ITIH3: variants seen among roughly 807,000 people sequenced by gnomAD.
ITIH3 encodes the protein inter-alpha-trypsin inhibitor heavy chain H3.
ITIH3 carries 81 observed loss-of-function variants against 96.5 expected under a neutral mutation model. The ratio of observed to expected loss-of-function variants is 0.84; its 90% CI spans 0.70 to 1.01. The LOEUF is 1.01. Among genes scored for constraint, ITIH3 ranks in the 50% least tolerant of loss-of-function variants. The probability of loss-of-function intolerance (pLI) is 0.00; values close to 1 mark genes in which losing one functional copy is unlikely to be tolerated. For missense variants in ITIH3, 1,057 were observed against 1,139.3 expected, an observed-to-expected ratio of 0.93 and a Z score of 1.04; for synonymous variants, 422 against 445.2, an observed-to-expected ratio of 0.95 and a Z score of 0.66.
At chr3:52,797,735 C>A in intron 5 of ITIH3, 82 bp from the exon 6 acceptor site, 3 of 835,758 alleles carry the variant, frequency 3.6e-6, no homozygotes, top group Non-Finnish European at 5.9e-6. Flanking sequence ...TCACCACAGA[C>A]CCATCTCATT....
At chr3:52,803,297 TATTTATTTATTTTATTTTATTATTATTA>T (rs1464781217) in intron 13 of ITIH3, among the ~76,000 whole-genome samples, 2 of 142,120 alleles carry the variant, frequency 1.4e-5, no homozygotes, top group South Asian at 2.2e-4. Flanking sequence ...TTTATTTATT[TATTTATTTATTTTATTTTATTATTATTA>T]TTTTTTTTTT....
chr3:52,805,490 G>A, intron 15 of ITIH3: 1 of 1,156,030 alleles, frequency 8.7e-7, no homozygotes. Context: ...ACTAGGGGGT[G>A]GGAAGCCCAG....
At position 52,799,073 on chromosome 3, in the gene ITIH3, A is replaced by C; in HGVS notation, c.771A>C (p.Glu257Asp). 6.2e-7 allele frequency: 1 copy of C among 1,613,538 alleles called. No homozygotes were observed. The highest frequency in any genetic ancestry group is 8.5e-7 in the Non-Finnish European group (1 of 1,179,718). Residue 257 changes from glutamate to aspartate, a missense_variant, in exon 7 of 22, where the codon GAA (glutamate) becomes GAC (aspartate). Coordinates refer to ENST00000449956, the MANE Select transcript of ITIH3 (RefSeq NM_002217.4). ...CTATCACCTATGACGTGAACAGAGA[A>C]TCTCCTGGCAACGTGCAGGTACCCG... ...DFTITYDVNR[E>D]SPGNVQIVNG...
intron 1 of ITIH3, 109 bp downstream of exon 1, chr3:52,795,005 C>T: frequency 2.2e-6 from 2 of 891,194 alleles, no homozygotes; most frequent in Admixed American, 1.8e-5. Context: ...GGGCTGGGCA[C>T]TGAGCTGCTG....
rs761740682 is a variant in ITIH3, at chr3:52,796,793, G to A, written c.336G>A (p.Lys112=). ...ATGTCAAGGAGAAGGAAGTTGCCAA[G>A]AAGCAGTATGAAAAGGCTGTGTCCC... is the stretch of plus-strand genomic sequence containing the variant. The part of the protein sequence containing the change: ...PGNVKEKEVA[K]KQYEKAVSQG... The change falls in exon 4 of 22, where the codon AAG becomes AAA. Residue 112 remains lysine (K), a synonymous_variant. Transcript: ENST00000449956. 1 of 1,612,966 alleles carries A rather than the reference G, an allele frequency of 6.2e-7. No individual in the cohort carries two copies. Among genetic ancestry groups the A allele is most frequent in the South Asian group, 1.1e-5 (1 of 90,772 alleles).
chr3:52,794,842 G>T lies in ITIH3; in HGVS notation c.39G>T (p.Leu13=). 6.2e-7 allele frequency: 1 copy of T among 1,613,984 alleles called. No homozygotes were observed. Among genetic ancestry groups the T allele is most frequent in the Non-Finnish European group, 8.5e-7 (1 of 1,179,880 alleles). ...FAWWPCLILA[L]LSSLAASGFP... ...GGTGGCCCTGTCTCATCTTGGCTCT[G>T]CTCTCCAGCTTGGCAGCCTCTGGCT... Residue 13 remains leucine (L), a synonymous_variant, in exon 1 of 22, where the codon CTG becomes CTT. Coordinates refer to ENST00000449956, the MANE Select transcript of ITIH3 (RefSeq NM_002217.4).
rs1699550559 is a variant in ITIH3 at position 52,795,605 on chromosome 3, AC to A, written c.97del (p.Arg33GlyfsTer22). 1.9e-6 allele frequency: 3 copies of A among 1,612,176 alleles called. No individual in the cohort carries two copies. Among genetic ancestry groups the A allele is most frequent in the Non-Finnish European group, 1.7e-6 (2 of 1,179,198 alleles). ...TGTGTTTGTTTTTGTTTTTTCAGAA[AC>A]GGAGCCTCCCGGAAGGGGTAAGAAC... ...PRSPFRLLGK[R>X]SLPEGVANGI... On this transcript the variant is annotated frameshift_variant, in exon 2 of 22. Transcript: ENST00000449956. LOFTEE classifies it high-confidence loss of function.
At chr3:52,798,854 C>T (rs9831540) in intron 6 of ITIH3, 112 bp from the exon 7 acceptor site, 25,969 of 1,368,946 alleles carry the variant, frequency 0.019, 1,347 homozygotes, top group African/African-American at 0.13. Context: ...TCTGCCCTGC[C>T]AAGGGCTCCT....
intron 13 of ITIH3, 33 bp downstream of exon 13, chr3:52,802,839 C>T (rs745982499): frequency 6.2e-7 from 1 of 1,611,718 alleles, no homozygotes. Flanking sequence ...CCTGTGCCTA[C>T]CCCTGGCTGG....
At chr3:52,806,433 C>A in intron 18 of ITIH3, 27 bp downstream of exon 18, 1 of 1,567,532 alleles carries the variant, frequency 6.4e-7, no homozygotes. Flanking sequence ...AGGGCCGGGG[C>A]CAGGGGGCTC....
intron 13 of ITIH3, among the ~76,000 whole-genome samples, chr3:52,803,566 G>A (rs987679169): frequency 3.9e-5 from 6 of 152,098 alleles, no homozygotes; most frequent in African/African-American, 9.7e-5. Flanking sequence ...TGATTCACCC[G>A]CCTTGGCCTC....
In ITIH3 at chr3:52,797,799, T is replaced by A; in HGVS notation, c.550-18T>A. ...TCTGAGGTCACTGAGTGACATTTCC[T>A]TACTTTGGCCATTTCAGATCGAGGT... is the stretch of plus-strand genomic sequence containing the variant. On this transcript the variant is annotated intron_variant, in intron 5 of 21. Transcript: ENST00000449956. 1 of 1,538,152 alleles carries A rather than the reference T, an allele frequency of 6.5e-7. No homozygotes were observed. The highest frequency in any genetic ancestry group is 8.9e-7 in the Non-Finnish European group (1 of 1,123,668).
chr3:52,805,952 T>C, intron 16 of ITIH3, 112 bp downstream of exon 16: 4 of 1,525,036 alleles, frequency 2.6e-6, no homozygotes, highest in East Asian at 4.6e-5. Flanking sequence ...AGATGGACAA[T>C]GTGCCCTGAG....
chr3:52,805,025 G>A (rs917235983), intron 15 of ITIH3: 7 of 434,720 alleles, frequency 1.6e-5, no homozygotes, highest in Non-Finnish European at 3.0e-5. Flanking sequence ...TACTTCATTA[G>A]TCCCATAGCA....
chr3:52,796,832 C>G lies in ITIH3; in HGVS notation c.375C>G (p.Ala125=), dbSNP rs368535489. The G allele has an allele frequency of 1.2e-6, 2 of 1,606,420 alleles. No individual in the cohort carries two copies. The highest frequency in any genetic ancestry group is 1.7e-6 in the Non-Finnish European group (2 of 1,176,604). Residue 125 remains alanine (A), a synonymous_variant, in exon 4 of 22, where the codon GCC becomes GCG. Coordinates refer to ENST00000449956, the MANE Select transcript of ITIH3 (RefSeq NM_002217.4). ...AGGCTGTGTCCCAGGGCAAGACGGC[C>G]GGCTTGGTCAAGTAAGTATGGACTC... The part of the protein sequence containing the change: ...YEKAVSQGKT[A]GLVKASGRKL...
chr3:52,807,821 A>G lies in ITIH3; in HGVS notation c.2336A>G (p.His779Arg). The G allele has an allele frequency of 6.2e-7, 1 of 1,611,968 alleles. No homozygotes were observed. Among genetic ancestry groups the G allele is most frequent in the Non-Finnish European group, 8.5e-7 (1 of 1,179,064 alleles). The change falls in exon 20 of 22, where the codon CAC becomes CGC. Residue 779 changes from histidine to arginine, a missense_variant. Transcript: ENST00000449956. ...GGGGTTACCTTCGTGGTCGTCCTAC[A>G]CCAGGTGTGGAAGAAACATCCTGTC... ...GDGVTFVVVL[H>R]QVWKKHPVHR...
At chr3:52,802,907 C>A in intron 13 of ITIH3, 101 bp downstream of exon 13, 1 of 1,383,124 alleles carries the variant, frequency 7.2e-7, no homozygotes. Flanking sequence ...TCTTCTTGGG[C>A]CAGCCCAGGA....
chr3:52,803,910 T>TC lies in ITIH3; in HGVS notation c.1768dup (p.Leu590ProfsTer18). 3 of 1,613,986 alleles carry TC rather than the reference T, an allele frequency of 1.9e-6. No individual in the cohort carries two copies. The highest frequency in any genetic ancestry group is 8.5e-7 in the Non-Finnish European group (1 of 1,179,874). ...CCTCACGGCCCGGGCCCTGGACCTG[T>TC]CCCTCAAGTATCACTTTGTGACTCC... On this transcript the variant is annotated frameshift_variant, in exon 14 of 22. Coordinates refer to ENST00000449956, the MANE Select transcript of ITIH3 (RefSeq NM_002217.4). LOFTEE classifies it high-confidence loss of function.
At chr3:52,794,974 G>A in intron 1 of ITIH3, 78 bp downstream of exon 1, 1 of 1,178,338 alleles carries the variant, frequency 8.5e-7, no homozygotes, top group Non-Finnish European at 1.3e-6. Flanking sequence ...AGGCCTCTGA[G>A]TGGAGTGAAG....
Sources: allele counts gnomAD v4.1 joint callset (sites outside exome capture counted in the v4.1 genomes callset), GRCh38; gene constraint gnomAD v4.1.1; transcripts MANE v1.5; gene names NCBI Gene and HGNC (gene_info 2026-07-23, HGNC 2026-07-21).